Variants in ACTR6 observed in about 807,000 individuals in gnomAD.
ACTR6 encodes the protein actin-related protein 6.
A neutral mutation model predicts 52.5 loss-of-function variants in ACTR6; 50 were observed. That is an observed-to-expected ratio of 0.95 (90% CI 0.76 to 1.20). The LOEUF is 1.20. Ranked by LOEUF, ACTR6 falls within the 50% of genes most tolerant of loss-of-function variation. The pLI, the probability that ACTR6 is intolerant of heterozygous loss-of-function variation, is 0.00. For synonymous variants in ACTR6, 135 were observed against 147.2 expected, an observed-to-expected ratio of 0.92 and a Z score of 0.60; for missense variants, 344 against 472.4, an observed-to-expected ratio of 0.73 and a Z score of 2.52.
Position 100,218,532 on chromosome 12 carries a change from C to G in ACTR6, c.868C>G (p.Gln290Glu), listed in dbSNP as rs1305710555. 2.5e-6 allele frequency: 4 copies of G among 1,579,752 alleles called. No individual in the cohort carries two copies. Among genetic ancestry groups the G allele is most frequent in the East Asian group, 2.4e-5 (1 of 42,534 alleles). The change falls in exon 9 of 11, where the codon CAA (glutamine) becomes GAA (glutamate). Residue 290 changes from glutamine (Q) to glutamate (E), a missense_variant. Physicochemically the swap from Gln to Glu is conservative, Grantham distance 29. Transcript: ENST00000188312. The surrounding 1 kb of genome is among the most constrained non-coding windows in gnomAD (Gnocchi z 4.2). Reference protein sequence around the residue: ...ILFNPSDIGIQEMGIPEAIVY... With the variant: ...ILFNPSDIGIEEMGIPEAIVY... Reference sequence around the variant, plus strand: ...CTTTAATCCTTCTGATATAGGCATTCAAGAAATGGGAATTCCAGAAGCTAT... The same window carrying G: ...CTTTAATCCTTCTGATATAGGCATTGAAGAAATGGGAATTCCAGAAGCTAT...
In ACTR6 at chr12:100,204,940, G is replaced by T; in HGVS notation, c.69G>T (p.Ser23=). 3 of 1,581,726 alleles carry T rather than the reference G, an allele frequency of 1.9e-6. No individual in the cohort carries two copies. The highest frequency in any genetic ancestry group is 2.6e-6 in the Non-Finnish European group (3 of 1,153,572). ...TAATTATTTGTTTCCTTGTTTCTAGGGTTATTCCTAATTGTCAGTTCCGGT... is the reference window on the plus strand; with the variant it reads ...TAATTATTTGTTTCCTTGTTTCTAGTGTTATTCCTAATTGTCAGTTCCGGT... ...AKIGYSHENV[S]VIPNCQFRSK... is the part of the protein sequence containing the mutation. The change falls in exon 2 of 11, where the codon TCG becomes TCT. Residue 23 remains serine, a splice_region_variant and synonymous_variant. Transcript: ENST00000188312.
chr12:100,220,683 C>T (rs1475062881), intron 10 of ACTR6, among the ~76,000 whole-genome samples: 1 of 150,728 alleles, frequency 6.6e-6, no homozygotes, highest in African/African-American at 2.5e-5. Context: ...TCATCACTTC[C>T]ACTTCAGTGG....
chr12:100,220,162 TATAGAAACGAAAC>T lies in ACTR6; in HGVS notation c.1061+19_1061+31del. Reference sequence around the variant, plus strand: ...TGCCTGAAAAGTAAGTGTTGTTTTATATAGAAACGAAACATGGAAGTCCACATGTAGAAAAGGT... The same window carrying T: ...TGCCTGAAAAGTAAGTGTTGTTTTATATGGAAGTCCACATGTAGAAAAGGT... On this transcript the variant is annotated intron_variant, in intron 10 of 10. Coordinates refer to ENST00000188312, the MANE Select transcript of ACTR6 (RefSeq NM_022496.5). 6.2e-7 allele frequency: 1 copy of T among 1,603,860 alleles called. No homozygotes were observed.
At chr12:100,216,810 A>G in intron 8 of ACTR6, among the ~76,000 whole-genome samples, 1 of 152,196 alleles carries the variant, frequency 6.6e-6, no homozygotes, top group East Asian at 1.9e-4. Context: ...TCTCTTTGTT[A>G]CTATATAACA....
chr12:100,211,499 G>T (rs988928191), intron 6 of ACTR6, among the ~76,000 whole-genome samples: 1 of 152,098 alleles, frequency 6.6e-6, no homozygotes, highest in Middle Eastern at 3.2e-3. Context: ...CCTTAAACTC[G>T]TGGGTTTAAG....
At chr12:100,210,373 T>C (rs1229078230) in intron 6 of ACTR6, 22 bp downstream of exon 6, 1 of 1,610,414 alleles carries the variant, frequency 6.2e-7, no homozygotes, top group South Asian at 1.1e-5. Context: ...CTTTGATTCT[T>C]TGGGAGGATG....
intron 8 of ACTR6, among the ~76,000 whole-genome samples, chr12:100,212,898 T>C (rs1050630343): frequency 6.6e-6 from 1 of 150,908 alleles, no homozygotes; most frequent in African/African-American, 2.4e-5. Flanking sequence ...TCCCAGCTAC[T>C]TGGGAGGCTG....
chr12:100,201,041 G>A, intron 1 of ACTR6, 122 bp downstream of exon 1: 1 of 1,560,918 alleles, frequency 6.4e-7, no homozygotes. Context: ...TAGCCAGAGG[G>A]ATTCCCTGGT....
chr12:100,223,323 A>C (rs2096129779), intron 10 of ACTR6, among the ~76,000 whole-genome samples: 1 of 152,116 alleles, frequency 6.6e-6, no homozygotes, highest in Non-Finnish European at 1.5e-5. Context: ...CCTGGGCGAT[A>C]GAGTGAGACT....
intron 10 of ACTR6, among the ~76,000 whole-genome samples, chr12:100,221,290 T>C (rs894341959): frequency 6.6e-6 from 1 of 152,172 alleles, no homozygotes; most frequent in Non-Finnish European, 1.5e-5. Flanking sequence ...TTCTAGAGTT[T>C]TGTTTTAAAG....
At chr12:100,209,911 CAAT>C (rs2096118445) in intron 4 of ACTR6, among the ~76,000 whole-genome samples, 159 bp from the exon 5 acceptor site, 1 of 152,044 alleles carries the variant, frequency 6.6e-6, no homozygotes, top group Non-Finnish European at 1.5e-5. Context: ...AGTATAAACA[CAAT>C]AAAGATCTTT....
At position 100,218,289 on chromosome 12, in the gene ACTR6, G is replaced by A. The variant is rs1354709651; in HGVS notation, c.751-126G>A. The A allele has an allele frequency of 1.6e-6, 1 of 612,206 alleles. No individual in the cohort carries two copies. Among genetic ancestry groups the A allele is most frequent in the African/African-American group, 1.9e-5 (1 of 51,468 alleles). The allele number at this position is 612,206 out of a possible 1,614,324, so 37.9% of individuals were successfully genotyped here. Reference sequence around the variant, plus strand: ...CATTCTTCTAAATTTTGAGAATCCTGAAACTTCCAAGAACATTATTAATAT... The same window carrying A: ...CATTCTTCTAAATTTTGAGAATCCTAAAACTTCCAAGAACATTATTAATAT... On this transcript the variant is annotated intron_variant, in intron 8 of 10. Transcript: ENST00000188312. The surrounding 1 kb of genome is among the most constrained non-coding windows in gnomAD (Gnocchi z 4.2).
Position 100,223,781 on chromosome 12 carries a change from T to G in ACTR6, c.1062-5T>G, listed in dbSNP as rs775737092. 2.5e-6 allele frequency: 4 copies of G among 1,601,272 alleles called. No homozygotes were observed. The South Asian group carries it at 4.6e-5, about 18-fold the overall frequency. On this transcript the variant is annotated splice_region_variant and splice_polypyrimidine_tract_variant and intron_variant, in intron 10 of 10. Coordinates refer to ENST00000188312, the MANE Select transcript of ACTR6 (RefSeq NM_022496.5). ...ATCTGGGTTCATTTATACCTTTATT[T>G]TCAGCCCTATTACTTATGCCTGGGA...
chr12:100,201,377 C>G (rs1409756155), intron 1 of ACTR6, among the ~76,000 whole-genome samples: 1 of 152,358 alleles, frequency 6.6e-6, no homozygotes, highest in East Asian at 1.9e-4. Flanking sequence ...CTTTGGCCTA[C>G]TGGCCGACCT....
At chr12:100,202,049 A>C (rs1039793258) in intron 1 of ACTR6, among the ~76,000 whole-genome samples, 1 of 151,228 alleles carries the variant, frequency 6.6e-6, no homozygotes, top group Non-Finnish European at 1.5e-5. Context: ...CTCATGCCTC[A>C]GCCTCCCAAG....
chr12:100,202,958 G>A (rs1592830240), intron 1 of ACTR6, among the ~76,000 whole-genome samples: 1 of 152,120 alleles, frequency 6.6e-6, no homozygotes, highest in Non-Finnish European at 1.5e-5. Context: ...CAATTTTAAC[G>A]TGTGGTTGGG....
At chr12:100,206,487 A>G (rs1040375466) in intron 3 of ACTR6, among the ~76,000 whole-genome samples, 1 of 151,994 alleles carries the variant, frequency 6.6e-6, no homozygotes, top group African/African-American at 2.4e-5. Context: ...AAATAAATAC[A>G]TAAATAAAAC....
At position 100,207,702 on chromosome 12, in the gene ACTR6, TACTTTA is replaced by T. The variant is rs1198686459; in HGVS notation, c.300_305del (p.Asn101_Phe102del). The T allele has an allele frequency of 4.4e-6, 7 of 1,582,130 alleles. No homozygotes were observed. The South Asian group carries it at 7.8e-5, about 18-fold the overall frequency. ...TACTAATATTATTATCACTGAACCA[TACTTTA>T]ACTTCACTTCAATTCAAGAATCAAT... On this transcript the variant is annotated inframe_deletion, in exon 4 of 11. Transcript: ENST00000188312.
At position 100,204,708 on chromosome 12, in the gene ACTR6, A is replaced by G. The variant is rs183039951; in HGVS notation, c.69-232A>G. On this transcript the variant is annotated intron_variant, in intron 1 of 10. Coordinates refer to ENST00000188312, the MANE Select transcript of ACTR6 (RefSeq NM_022496.5). ...GAGACAGGTTCTGGCTATGTTGTCT[A>G]GGCTGGTCTTGAACTCCTGGTCTCA... 1.6e-4 allele frequency among the ~76,000 whole-genome samples: 25 copies of G among 152,232 alleles called. No individual in the cohort carries two copies. The East Asian group carries it at 3.7e-3, about 22-fold the overall frequency.
Sources: allele counts gnomAD v4.1 joint callset (sites outside exome capture counted in the v4.1 genomes callset), GRCh38; gene constraint gnomAD v4.1.1; non-coding constraint Gnocchi (gnomAD v3.1); transcripts MANE v1.5; gene names NCBI Gene and HGNC (gene_info 2026-07-23, HGNC 2026-07-21).